The following NPTN variants were observed in gnomAD, a reference collection of about 807,000 sequenced individuals.
NPTN encodes the protein SDR-1.
A neutral mutation model predicts 42.7 loss-of-function variants in NPTN; 5 were observed. The observed-to-expected ratio is 0.12, with a 90% CI of 0.06 to 0.25. NPTN has a LOEUF of 0.25. NPTN is among the 10% of genes least tolerant of loss of function. NPTN has a pLI of 1.00. For synonymous variants in NPTN, 180 were observed against 201.9 expected (o/e 0.89, Z 0.92); for missense variants, 307 against 525.4 (o/e 0.58, Z 4.06).
chr15:73,572,703 A>G (rs1002086241), intron 5 of NPTN, among the ~76,000 whole-genome samples: 2 of 152,218 alleles, frequency 1.3e-5, no homozygotes, highest in Non-Finnish European at 2.9e-5. Context: ...TACTAAAAAA[A>G]CAAGGCAGGT....
At chr15:73,616,855 C>T (rs1198340592) in intron 1 of NPTN, among the ~76,000 whole-genome samples, 1 of 152,126 alleles carries the variant, frequency 6.6e-6, no homozygotes, top group Non-Finnish European at 1.5e-5. Flanking sequence ...CAGGAGTTAC[C>T]CACATGGCTA....
At chr15:73,592,182 C>T in intron 2 of NPTN, 45 bp from the exon 3 acceptor site, 1 of 1,547,056 alleles carries the variant, frequency 6.5e-7, no homozygotes, top group Non-Finnish European at 8.8e-7. Context: ...GCCTTCCATC[C>T]TCTGTAGCCC....
intron 6 of NPTN, chr15:73,567,949 G>A: frequency 1.0e-6 from 1 of 985,388 alleles, no homozygotes; most frequent in Non-Finnish European, 1.2e-6. Flanking sequence ...CACTTACCCT[G>A]CCGTCATCTC....
chr15:73,597,178 AC>A lies in NPTN; in HGVS notation c.282del (p.Ser95GlnfsTer4). On this transcript the variant is annotated frameshift_variant, in exon 2 of 9. Coordinates refer to ENST00000345330, the MANE Select transcript of NPTN (RefSeq NM_012428.4). LOFTEE classifies it high-confidence loss of function. This position sits in a 1 kb window ranked among gnomAD's most constrained non-coding sequence, Gnocchi z 6.3. ...ATTCTCAGCACACTCACGCCGTTTG[AC>A]CCGTAGGCGGTGTTTACGGTGACAC... ...KRRVTVNTAY[G>X]SNGVSVLRIT... 1 of 1,614,092 alleles carries A rather than the reference AC, an allele frequency of 6.2e-7. No homozygotes were observed. The highest frequency in any genetic ancestry group is 8.5e-7 in the Non-Finnish European group (1 of 1,180,010).
chr15:73,620,362 A>G (rs906803566), intron 1 of NPTN, among the ~76,000 whole-genome samples: 10 of 152,196 alleles, frequency 6.6e-5, no homozygotes, highest in African/African-American at 2.4e-4. Flanking sequence ...CCTACCTCAG[A>G]GGACACTTAC....
chr15:73,566,531 T>C (rs1269790681), intron 6 of NPTN, among the ~76,000 whole-genome samples: 1 of 152,210 alleles, frequency 6.6e-6, no homozygotes, highest in African/African-American at 2.4e-5. Flanking sequence ...GTCACTAAAA[T>C]ATCCAGAAGA....
intron 2 of NPTN, among the ~76,000 whole-genome samples, chr15:73,592,941 A>C (rs1175386530): frequency 3.3e-5 from 5 of 152,194 alleles, no homozygotes; most frequent in African/African-American, 9.6e-5. Context: ...TGGAAAAGTG[A>C]AATGATTTGT....
intron 1 of NPTN, among the ~76,000 whole-genome samples, chr15:73,611,201 G>C (rs773158853): frequency 2.1e-4 from 32 of 152,096 alleles, no homozygotes; most frequent in Non-Finnish European, 2.4e-4. Context: ...TGTTCATTCA[G>C]GAAGACAATC....
chr15:73,566,788 G>A (rs1343064801), intron 6 of NPTN, among the ~76,000 whole-genome samples: 2 of 152,144 alleles, frequency 1.3e-5, no homozygotes, highest in Non-Finnish European at 2.9e-5. Flanking sequence ...TGAGTCAAGT[G>A]AACAAAACAA....
chr15:73,623,375 T>C (rs774303101), intron 1 of NPTN, among the ~76,000 whole-genome samples: 1 of 152,224 alleles, frequency 6.6e-6, no homozygotes, highest in Non-Finnish European at 1.5e-5. Context: ...CTAGAAACAC[T>C]AATTTCTGAT....
intron 4 of NPTN, among the ~76,000 whole-genome samples, chr15:73,582,310 C>A (rs368252882): frequency 6.6e-6 from 1 of 152,190 alleles, no homozygotes; most frequent in Non-Finnish European, 1.5e-5. Flanking sequence ...AAACACCTAT[C>A]TTTGTGGTGG....
intron 6 of NPTN, chr15:73,563,538 G>C: frequency 1.6e-6 from 2 of 1,248,710 alleles, no homozygotes; most frequent in Non-Finnish European, 2.0e-6. Flanking sequence ...CAGATAGGCT[G>C]CAACATTGTT....
intron 4 of NPTN, among the ~76,000 whole-genome samples, chr15:73,586,321 TG>T (rs1358592555): frequency 6.6e-6 from 1 of 152,200 alleles, no homozygotes; most frequent in African/African-American, 2.4e-5. Flanking sequence ...TGAATACATG[TG>T]GCATTCTTCT....
intron 1 of NPTN, among the ~76,000 whole-genome samples, chr15:73,608,465 C>T (rs1401342747): frequency 6.6e-6 from 1 of 152,078 alleles, no homozygotes; most frequent in African/African-American, 2.4e-5. Flanking sequence ...CACAGTATTA[C>T]AATTAGTAGG....
At position 73,580,841 on chromosome 15, in the gene NPTN, G is replaced by C. The variant is rs1267935171; in HGVS notation, c.706+6683C>G. ...GCGTAAAGAGCAGAGCTTCAGACCT[G>C]AAAACATGGAAATCTGGACTTGATC... is the stretch of plus-strand genomic sequence containing the variant. On this transcript the variant is annotated intron_variant, in intron 4 of 8. Transcript: ENST00000345330. Among the ~76,000 whole-genome samples, 6 of 152,022 alleles carry C rather than the reference G, an allele frequency of 3.9e-5. No homozygotes were observed. The East Asian group carries it at 9.7e-4, about 25-fold the overall frequency.
chr15:73,587,477 T>G, intron 4 of NPTN, 47 bp downstream of exon 4: 1 of 1,358,038 alleles, frequency 7.4e-7, no homozygotes, highest in Non-Finnish European at 1.1e-6. Context: ...GGTACTGTCT[T>G]GGAAGGAGAG....
chr15:73,624,731 A>G (rs1043325671), intron 1 of NPTN, among the ~76,000 whole-genome samples: 1 of 152,216 alleles, frequency 6.6e-6, no homozygotes, highest in Non-Finnish European at 1.5e-5. Context: ...TGTACTCAAC[A>G]GAAATGTGCC....
At chr15:73,576,361 C>G (rs1256793076) in intron 4 of NPTN, among the ~76,000 whole-genome samples, 1 of 151,914 alleles carries the variant, frequency 6.6e-6, no homozygotes, top group Non-Finnish European at 1.5e-5. Context: ...TGCAGTCTCT[C>G]TCTGTTGGCC....
intron 2 of NPTN, among the ~76,000 whole-genome samples, chr15:73,596,736 T>C (rs1023101759): frequency 2.0e-5 from 3 of 152,040 alleles, no homozygotes; most frequent in African/African-American, 4.8e-5. Context: ...ACAGATGATT[T>C]TGGACAGTCA....
Sources: allele counts gnomAD v4.1 joint callset (sites outside exome capture counted in the v4.1 genomes callset), GRCh38; gene constraint gnomAD v4.1.1; non-coding constraint Gnocchi (gnomAD v3.1); transcripts MANE v1.5; gene names NCBI Gene and HGNC (gene_info 2026-07-23, HGNC 2026-07-21).